Variants in ROBO1 observed in about 807,000 individuals in gnomAD.
ROBO1 encodes roundabout homolog 1.
Under a neutral mutation model 195.9 loss-of-function variants are expected in ROBO1, and 149 were observed. The observed-to-expected ratio is 0.76, with a 90% CI of 0.67 to 0.87. The LOEUF (loss-of-function observed/expected upper bound fraction) is 0.87, where lower values mean the gene tolerates loss of function less well. Ranked by LOEUF, ROBO1 falls within the 40% of genes least tolerant of loss-of-function variation. The probability of loss-of-function intolerance (pLI) is 0.00; values close to 1 mark genes in which losing one functional copy is unlikely to be tolerated. For synonymous variants in ROBO1, 816 were observed against 733.2 expected (o/e 1.11, Z -1.82); for missense variants, 1,933 against 2,068.3 (o/e 0.93, Z 1.27).
intron 21 of ROBO1, among the ~76,000 whole-genome samples, chr3:78,644,392 C>A (rs1464366315): frequency 6.6e-6 from 1 of 152,128 alleles, no homozygotes; most frequent in Non-Finnish European, 1.5e-5. Flanking sequence ...GCACCTGTCA[C>A]ATAGTAAGTG....
At chr3:79,217,736 A>T (rs1435269300) in intron 2 of ROBO1, among the ~76,000 whole-genome samples, 1 of 151,910 alleles carries the variant, frequency 6.6e-6, no homozygotes, top group African/African-American at 2.4e-5. Flanking sequence ...AGGGTATCTT[A>T]TTTTTATTTC....
intron 1 of ROBO1, among the ~76,000 whole-genome samples, chr3:79,656,067 C>A (rs1336922518): frequency 6.6e-6 from 1 of 152,012 alleles, no homozygotes; most frequent in Non-Finnish European, 1.5e-5. Flanking sequence ...GACTGATAAA[C>A]AATAAACACA....
chr3:78,948,780 A>C (rs1358700323), intron 3 of ROBO1, among the ~76,000 whole-genome samples: 1 of 152,206 alleles, frequency 6.6e-6, no homozygotes, highest in Non-Finnish European at 1.5e-5. Context: ...GTCTCAGCCC[A>C]AAATCTCAAG....
At chr3:78,872,008 T>C (rs2035581442) in intron 4 of ROBO1, among the ~76,000 whole-genome samples, 1 of 152,194 alleles carries the variant, frequency 6.6e-6, no homozygotes, top group Non-Finnish European at 1.5e-5. Context: ...AGCTTTTCTG[T>C]CACTTGCTAT....
At chr3:78,676,450 C>T (rs1708434438) in intron 10 of ROBO1, among the ~76,000 whole-genome samples, 1 of 152,120 alleles carries the variant, frequency 6.6e-6, no homozygotes, top group Non-Finnish European at 1.5e-5. Flanking sequence ...GAATGTATAA[C>T]TAGAATAACC....
chr3:79,683,046 A>G (rs1170075223), intron 1 of ROBO1, among the ~76,000 whole-genome samples: 1 of 152,068 alleles, frequency 6.6e-6, no homozygotes, highest in Non-Finnish European at 1.5e-5. Flanking sequence ...CTAAAACAAT[A>G]TCTTGTAGTA....
intron 25 of ROBO1, among the ~76,000 whole-genome samples, chr3:78,630,016 A>C (rs944474885): frequency 3.9e-5 from 6 of 152,202 alleles, no homozygotes; most frequent in African/African-American, 1.4e-4. Flanking sequence ...AGAAGTGCTG[A>C]AGGGCTTGTT....
intron 1 of ROBO1, among the ~76,000 whole-genome samples, chr3:79,673,035 G>T (rs1286010083): frequency 6.6e-6 from 1 of 151,976 alleles, no homozygotes; most frequent in East Asian, 1.9e-4. Context: ...AGCTGCTGAT[G>T]CTTGTGGGCA....
At chr3:78,679,462 A>G (rs1317590369) in intron 10 of ROBO1, among the ~76,000 whole-genome samples, 2 of 152,240 alleles carry the variant, frequency 1.3e-5, no homozygotes, top group Non-Finnish European at 2.9e-5. Context: ...TTAAGCTGAT[A>G]AGCAACTTCA....
chr3:78,645,194 T>C (rs1192123387), intron 21 of ROBO1, among the ~76,000 whole-genome samples: 6 of 152,158 alleles, frequency 3.9e-5, no homozygotes, highest in Non-Finnish European at 8.8e-5. Flanking sequence ...TGTACAGCAT[T>C]GGCTAAAGGT....
intron 3 of ROBO1, among the ~76,000 whole-genome samples, chr3:78,969,076 A>G (rs995200147): frequency 6.6e-6 from 1 of 152,230 alleles, no homozygotes; most frequent in Non-Finnish European, 1.5e-5. Context: ...AGTATATATG[A>G]GTGGATCCCA....
intron 1 of ROBO1, among the ~76,000 whole-genome samples, chr3:79,608,268 TTC>T (rs1385786098): frequency 6.6e-6 from 1 of 151,966 alleles, no homozygotes; most frequent in African/African-American, 2.4e-5. Context: ...TCTTCAGCCC[TTC>T]TCTGATATTA....
At chr3:78,971,240 T>A (rs1319687032) in intron 3 of ROBO1, among the ~76,000 whole-genome samples, 1 of 151,906 alleles carries the variant, frequency 6.6e-6, no homozygotes, top group Non-Finnish European at 1.5e-5. Context: ...AATACAAAAA[T>A]GAGCCAGGCA....
chr3:78,759,087 G>T (rs961349470), intron 4 of ROBO1: 2 of 152,406 alleles, frequency 1.3e-5, no homozygotes, highest in Non-Finnish European at 2.9e-5. Context: ...GGGATTCGTG[G>T]TGGCGCCAAA....
chr3:78,726,476 T>A (rs1421155848), intron 5 of ROBO1, among the ~76,000 whole-genome samples: 2 of 152,082 alleles, frequency 1.3e-5, no homozygotes, highest in Non-Finnish European at 2.9e-5. Flanking sequence ...GAAATTATTT[T>A]TTCAGAAAAA....
chr3:78,697,162 A>G (rs9880316), intron 8 of ROBO1, among the ~76,000 whole-genome samples: 45,787 of 151,238 alleles, frequency 0.3, 7,586 homozygotes, highest in African/African-American at 0.45. Flanking sequence ...GAAATCTTCT[A>G]TGTACTAAGA....
intron 8 of ROBO1, among the ~76,000 whole-genome samples, chr3:78,711,708 C>T (rs1386932290): frequency 6.6e-6 from 1 of 150,570 alleles, no homozygotes; most frequent in Non-Finnish European, 1.5e-5. Flanking sequence ...AGGCCGGTCT[C>T]GAACTCCGTA....
At chr3:79,700,317 T>TTGTGTGTGTGTGTGTGTGTGTGTG (rs71130610) in intron 1 of ROBO1, among the ~76,000 whole-genome samples, 1 of 144,148 alleles carries the variant, frequency 6.9e-6, no homozygotes, top group African/African-American at 2.6e-5. Flanking sequence ...GTGTGTGTGT[T>TTGTGTGTGTGTGTGTGTGTGTGTG]TGTGTGTGTG....
At position 79,658,576 on chromosome 3, in the gene ROBO1, T is replaced by A. The variant is rs372741798; in HGVS notation, c.-50-68615A>T. On this transcript the variant is annotated intron_variant, in intron 1 of 30. Coordinates refer to ENST00000464233, the MANE Select transcript of ROBO1 (RefSeq NM_002941.4). ...ACAGCTAAAGTGGTATTTATGTATT[T>A]ATTTTACTTTTTTATTTTTAATTTT... 3.3e-5 allele frequency among the ~76,000 whole-genome samples: 5 copies of A among 152,200 alleles called. No homozygotes were observed. In the East Asian group the frequency reaches 9.7e-4, roughly 29 times the overall value.
Sources: allele counts gnomAD v4.1 joint callset (sites outside exome capture counted in the v4.1 genomes callset), GRCh38; gene constraint gnomAD v4.1.1; transcripts MANE v1.5; gene names NCBI Gene and HGNC (gene_info 2026-07-23, HGNC 2026-07-21).